COL23A1: variants seen among roughly 807,000 people sequenced by gnomAD.
The protein encoded by COL23A1 is collagen alpha-1(XXIII) chain.
A neutral mutation model predicts 99.3 loss-of-function variants in COL23A1; 97 were observed. The observed-to-expected ratio is 0.98, with a 90% confidence interval of 0.83 to 1.16. COL23A1 has a LOEUF of 1.16. COL23A1 is among the 50% of genes most tolerant of loss of function. The pLI is 0.00. For missense variants in COL23A1, 762 were observed against 757.4 expected (o/e 1.01, Z -0.07); for synonymous variants, 320 against 308.2 (o/e 1.04, Z -0.40).
intron 1 of COL23A1, among the ~76,000 whole-genome samples, chr5:178,582,055 AGGGGGAACAG>A (rs1234581323): frequency 6.6e-6 from 1 of 151,952 alleles, no homozygotes; most frequent in Non-Finnish European, 1.5e-5. Flanking sequence ...AGTGCGGGGC[AGGGGGAACAG>A]GTGCAGTAGC....
At chr5:178,547,577 A>C in intron 2 of COL23A1, among the ~76,000 whole-genome samples, 1 of 34,862 alleles carries the variant, frequency 2.9e-5, no homozygotes, top group Non-Finnish European at 5.1e-5. Flanking sequence ...ACACACACCT[A>C]CACCCACACC....
At chr5:178,413,216 A>G (rs1480993930) in intron 2 of COL23A1, among the ~76,000 whole-genome samples, 1 of 152,128 alleles carries the variant, frequency 6.6e-6, no homozygotes, top group East Asian at 1.9e-4. Flanking sequence ...GCACAGTTCC[A>G]CTGTCTTCTG....
At chr5:178,524,575 G>A (rs541328691) in intron 2 of COL23A1, among the ~76,000 whole-genome samples, 3 of 152,170 alleles carry the variant, frequency 2.0e-5, no homozygotes, top group African/African-American at 4.8e-5. Flanking sequence ...GGAAATGGTC[G>A]GGCATTGACC....
At chr5:178,269,239 G>T (rs1046923049) in intron 6 of COL23A1, among the ~76,000 whole-genome samples, 6 of 150,852 alleles carry the variant, frequency 4.0e-5, no homozygotes, top group Non-Finnish European at 8.9e-5. Context: ...TTCTTTAATG[G>T]TAGCAGCTCC....
Position 178,290,351 on chromosome 5 carries a change from A to G in COL23A1, c.414+11T>C. 6.2e-7 allele frequency: 1 copy of G among 1,614,098 alleles called. No individual in the cohort carries two copies. The highest frequency in any genetic ancestry group is 8.5e-7 in the Non-Finnish European group (1 of 1,180,028). ...CTTTCAGAAGCAGACAGCACAGTCC[A>G]GGACACTTACTGGAGGACCTGCAAA... On this transcript the variant is annotated intron_variant, in intron 4 of 28. Transcript: ENST00000390654.
Position 178,347,131 on chromosome 5 carries a change from G to A in COL23A1, c.362-40212C>T, listed in dbSNP as rs193201909. On this transcript the variant is annotated intron_variant, in intron 2 of 28. Transcript: ENST00000390654. Reference sequence around the variant, plus strand: ...CTCACCGCGCACTGAGGCACTGGGAGCCGCACTGGCCCGAGACCTTTCTGC... The same window carrying A: ...CTCACCGCGCACTGAGGCACTGGGAACCGCACTGGCCCGAGACCTTTCTGC... Among the ~76,000 whole-genome samples the A allele has an allele frequency of 3.8e-3, 572 of 152,288 alleles. 4 individuals carry two copies. Among genetic ancestry groups the A allele is most frequent in the African/African-American group, 0.013 (546 of 41,564 alleles).
intron 18 of COL23A1, among the ~76,000 whole-genome samples, chr5:178,249,726 T>A (rs1371702098): frequency 2.2e-3 from 250 of 115,150 alleles, no homozygotes; most frequent in Middle Eastern, 0.013. Context: ...ACTCTCTCTC[T>A]CTCTCTCTCT....
chr5:178,357,755 TGTGTAC>T (rs1331659033), intron 2 of COL23A1, among the ~76,000 whole-genome samples: 2 of 147,996 alleles, frequency 1.4e-5, no homozygotes, highest in Admixed American at 6.8e-5. Flanking sequence ...TGTATGTGTG[TGTGTAC>T]GTGTATGTAT....
intron 2 of COL23A1, among the ~76,000 whole-genome samples, chr5:178,427,812 A>G (rs1766027722): frequency 2.6e-5 from 4 of 152,072 alleles, no homozygotes; most frequent in Admixed American, 2.6e-4. Context: ...GGAGGGAGGG[A>G]TGAATAGTTG....
chr5:178,391,014 A>C (rs2127751951), intron 2 of COL23A1, among the ~76,000 whole-genome samples: 1 of 152,336 alleles, frequency 6.6e-6, no homozygotes, highest in East Asian at 1.9e-4. Flanking sequence ...GCCTGTTAGG[A>C]ACCGGGCCTC....
intron 17 of COL23A1, among the ~76,000 whole-genome samples, chr5:178,250,416 G>A (rs1029266830): frequency 1.3e-5 from 2 of 152,206 alleles, no homozygotes; most frequent in African/African-American, 4.8e-5. Flanking sequence ...CTTCAAAGTT[G>A]TTGGCTCTTT....
At chr5:178,258,035 C>G (rs1279572618) in intron 12 of COL23A1, among the ~76,000 whole-genome samples, 1 of 152,068 alleles carries the variant, frequency 6.6e-6, no homozygotes, top group Admixed American at 6.6e-5. Flanking sequence ...TGTGAACAGC[C>G]ACTGCACTCC....
chr5:178,465,936 A>G (rs554266781), intron 2 of COL23A1, among the ~76,000 whole-genome samples: 1 of 152,132 alleles, frequency 6.6e-6, no homozygotes, highest in African/African-American at 2.4e-5. Flanking sequence ...CTCAGCGCAC[A>G]CTTCAGGACA....
At chr5:178,438,386 T>G (rs1392358827) in intron 2 of COL23A1, among the ~76,000 whole-genome samples, 1 of 152,230 alleles carries the variant, frequency 6.6e-6, no homozygotes, top group African/African-American at 2.4e-5. Context: ...TCTGAAAATA[T>G]CTGGGCAAGA....
intron 2 of COL23A1, among the ~76,000 whole-genome samples, chr5:178,330,515 T>C (rs1028300276): frequency 6.6e-6 from 1 of 151,976 alleles, no homozygotes; most frequent in African/African-American, 2.4e-5. Context: ...TATATGTACA[T>C]ATATGGTGTG....
chr5:178,249,355 C>A (rs954847102), intron 18 of COL23A1, 149 bp from the exon 19 acceptor site: 3 of 765,592 alleles, frequency 3.9e-6, no homozygotes, highest in Admixed American at 4.3e-5. Flanking sequence ...GAGCCTCACC[C>A]GGATGCAGTG....
chr5:178,511,660 G>A (rs1028663231), intron 2 of COL23A1, among the ~76,000 whole-genome samples: 7 of 152,130 alleles, frequency 4.6e-5, no homozygotes, highest in Non-Finnish European at 8.8e-5. Flanking sequence ...GTGACCATGG[G>A]TCCCCTGAGA....
At chr5:178,294,135 G>T (rs1041339575) in intron 3 of COL23A1, among the ~76,000 whole-genome samples, 1 of 152,084 alleles carries the variant, frequency 6.6e-6, no homozygotes. Context: ...TCAAAATGCA[G>T]ATCTGATCCT....
intron 2 of COL23A1, among the ~76,000 whole-genome samples, chr5:178,349,359 G>A (rs1199075167): frequency 1.3e-5 from 2 of 152,212 alleles, no homozygotes; most frequent in Admixed American, 6.5e-5. Flanking sequence ...CCACTGCGGC[G>A]GGTGCCCAGG....
Sources: gnomAD v4.1 joint callset for allele counts (sites outside exome capture counted in the v4.1 genomes callset) on GRCh38, gnomAD v4.1.1 for gene constraint, MANE v1.5 for transcripts, NCBI Gene and HGNC (gene_info 2026-07-23, HGNC 2026-07-21) for gene names.